Variants in DOCK2 observed in about 807,000 individuals in gnomAD.
DOCK2 encodes dedicator of cytokinesis 2, also known as dedicator of cytokinesis protein 2.
A neutral mutation model predicts 248.9 loss-of-function variants in DOCK2; 87 were observed. The ratio of observed to expected loss-of-function variants is 0.35; its 90% confidence interval spans 0.29 to 0.42. The LOEUF (loss-of-function observed/expected upper bound fraction) is 0.42, where lower values mean the gene tolerates loss of function less well. Among genes scored for constraint, DOCK2 ranks in the 10% least tolerant of loss-of-function variants. The pLI is 1.00. For missense variants in DOCK2, 1,747 were observed against 2,300.2 expected (o/e 0.76, Z 4.92); for synonymous variants, 805 against 821.6 (o/e 0.98, Z 0.35).
intron 22 of DOCK2, among the ~76,000 whole-genome samples, chr5:169,744,943 T>C (rs188676236): frequency 1.3e-5 from 2 of 152,294 alleles, no homozygotes; most frequent in East Asian, 3.9e-4. Context: ...AAAGAGCCCA[T>C]GTGTCTGTAA....
intron 25 of DOCK2, among the ~76,000 whole-genome samples, chr5:169,765,086 A>ACACG (rs1764698016): frequency 6.6e-6 from 1 of 151,632 alleles, no homozygotes; most frequent in Non-Finnish European, 1.5e-5. Context: ...ACACACACAC[A>ACACG]CACACACACA....
intron 1 of DOCK2, 73 bp downstream of exon 1, chr5:169,637,442 G>A (rs1270897839): frequency 3.1e-6 from 4 of 1,287,604 alleles, no homozygotes; most frequent in South Asian, 4.7e-5. Context: ...AGGATGCTGC[G>A]GGGCCGGCGG....
At chr5:169,852,865 T>A (rs1159473228) in intron 27 of DOCK2, among the ~76,000 whole-genome samples, 5 of 152,188 alleles carry the variant, frequency 3.3e-5, no homozygotes, top group Non-Finnish European at 7.3e-5. Context: ...GCACACTGTG[T>A]CTGCTGTGAA....
At chr5:169,952,319 T>C (rs374575637) in intron 27 of DOCK2, among the ~76,000 whole-genome samples, 7 of 152,100 alleles carry the variant, frequency 4.6e-5, no homozygotes, top group Non-Finnish European at 8.8e-5. Context: ...ACTGCTGGCA[T>C]TGGGTATGTA....
chr5:169,995,185 C>T (rs185265882), intron 29 of DOCK2, among the ~76,000 whole-genome samples: 2 of 151,930 alleles, frequency 1.3e-5, no homozygotes, highest in South Asian at 2.1e-4. Flanking sequence ...TGCACCACAA[C>T]GCCCGGCTAA....
chr5:170,035,416 G>C (rs939165389), intron 35 of DOCK2, among the ~76,000 whole-genome samples: 3 of 152,028 alleles, frequency 2.0e-5, no homozygotes, highest in African/African-American at 7.3e-5. Context: ...CAACAGCCTA[G>C]ATATTGCCAT....
At chr5:169,912,719 GC>G (rs1347155939) in intron 27 of DOCK2, among the ~76,000 whole-genome samples, 2 of 152,066 alleles carry the variant, frequency 1.3e-5, no homozygotes, top group Non-Finnish European at 2.9e-5. Context: ...GAGTGGTCCA[GC>G]TTATTGTCCA....
intron 22 of DOCK2, among the ~76,000 whole-genome samples, chr5:169,745,810 A>C (rs2113683155): frequency 6.6e-6 from 1 of 152,302 alleles, no homozygotes; most frequent in South Asian, 2.1e-4. Flanking sequence ...TTTGAACCCA[A>C]AGCAGATTGA....
intron 12 of DOCK2, 30 bp from the exon 13 acceptor site, chr5:169,699,984 G>A: frequency 3.7e-6 from 6 of 1,611,962 alleles, no homozygotes; most frequent in Non-Finnish European, 5.1e-6. Context: ...TGCAAAAGTG[G>A]GCTCTTCACG....
intron 29 of DOCK2, among the ~76,000 whole-genome samples, chr5:169,992,023 G>T (rs1048149618): frequency 6.6e-6 from 1 of 152,176 alleles, no homozygotes; most frequent in African/African-American, 2.4e-5. Context: ...GGCTTGGATT[G>T]AACAGAACTA....
chr5:170,015,064 T>A (rs1755462761), intron 32 of DOCK2, among the ~76,000 whole-genome samples: 1 of 152,164 alleles, frequency 6.6e-6, no homozygotes, highest in South Asian at 2.1e-4. Context: ...CCTGAAAATT[T>A]CCATGAAATG....
Position 169,876,762 on chromosome 5 carries a change from A to G in DOCK2, c.2799+35910A>G, listed in dbSNP as rs765748816. Among the ~76,000 whole-genome samples the G allele has an allele frequency of 2.0e-5, 3 of 152,146 alleles. No homozygotes were observed. The South Asian group carries it at 6.2e-4, about 32-fold the overall frequency. Reference sequence around the variant, plus strand: ...TATTTGCTTAATCCTTCATTTCCTCACCCAGGAGTGGTGGTGTACACTAAT... The same window carrying G: ...TATTTGCTTAATCCTTCATTTCCTCGCCCAGGAGTGGTGGTGTACACTAAT... On this transcript the variant is annotated intron_variant, in intron 27 of 51. Coordinates refer to ENST00000520908, the MANE Select transcript of DOCK2 (RefSeq NM_004946.3).
At chr5:169,934,840 G>A (rs1340302033) in intron 27 of DOCK2, 17 of 406,696 alleles carry the variant, frequency 4.2e-5, no homozygotes, top group Non-Finnish European at 8.0e-5. Context: ...TCTGCAAATA[G>A]GTAAATAAAG....
At chr5:169,808,256 G>A (rs1039395242) in intron 26 of DOCK2, among the ~76,000 whole-genome samples, 1 of 152,176 alleles carries the variant, frequency 6.6e-6, no homozygotes, top group Non-Finnish European at 1.5e-5. Context: ...GTAGAACCAC[G>A]TGTGGAAATT....
Position 170,057,615 on chromosome 5 carries a change from A to G in DOCK2, c.4416A>G (p.Ala1472=). The change falls in exon 44 of 52, where the codon GCA becomes GCG. Residue 1472 remains alanine (A), a synonymous_variant. Transcript: ENST00000520908. ...TTGAGAGAACCTCCTTCGTGACTGC[A>G]TACAAGCTGCCGGGGATCCTGCGCT... ...MWIERTSFVT[A]YKLPGILRWF... 6.2e-7 allele frequency: 1 copy of G among 1,614,100 alleles called. No individual in the cohort carries two copies. Among genetic ancestry groups the G allele is most frequent in the Non-Finnish European group, 8.5e-7 (1 of 1,179,986 alleles).
At position 169,746,482 on chromosome 5, in the gene DOCK2, G is replaced by A. The variant is rs183928656; in HGVS notation, c.2268-914G>A. On this transcript the variant is annotated intron_variant, in intron 22 of 51. Coordinates refer to ENST00000520908, the MANE Select transcript of DOCK2 (RefSeq NM_004946.3). ...GGGCACACTGAGGAGCTTTTTGAGCGTGTAGGGCTGTGACAGGAGAGACTC... is the reference window on the plus strand; with the variant it reads ...GGGCACACTGAGGAGCTTTTTGAGCATGTAGGGCTGTGACAGGAGAGACTC... Among the ~76,000 whole-genome samples the A allele has an allele frequency of 9.8e-5, 15 of 152,314 alleles. No homozygotes were observed. In the South Asian group the frequency reaches 1.2e-3, roughly 13 times the overall value.
chr5:169,717,609 C>T (rs555226267), intron 21 of DOCK2, 125 bp downstream of exon 21: 39 of 841,794 alleles, frequency 4.6e-5, no homozygotes, highest in African/African-American at 1.9e-4. Context: ...CATTCTCTAA[C>T]AAAATCTAAC....
chr5:169,646,688 C>T (rs1045474501), intron 1 of DOCK2, among the ~76,000 whole-genome samples: 3 of 152,192 alleles, frequency 2.0e-5, no homozygotes, highest in Admixed American at 6.5e-5. Flanking sequence ...CACACTTCTT[C>T]CCATTAAAAT....
chr5:169,686,673 G>A (rs1044540081), intron 8 of DOCK2, among the ~76,000 whole-genome samples: 2 of 152,174 alleles, frequency 1.3e-5, no homozygotes, highest in East Asian at 3.8e-4. Context: ...AGCCAGGATC[G>A]ACATACAGTG....
Sources: gnomAD v4.1 joint callset for allele counts (sites outside exome capture counted in the v4.1 genomes callset) on GRCh38, gnomAD v4.1.1 for gene constraint, MANE v1.5 for transcripts, NCBI Gene and HGNC (gene_info 2026-07-23, HGNC 2026-07-21) for gene names.